Variants in EIF4E observed in about 807,000 individuals in gnomAD.
The protein encoded by EIF4E is eukaryotic translation initiation factor 4E.
For missense variants in EIF4E, 113 were observed against 265.6 expected (o/e 0.43, Z 3.99); for synonymous variants, 71 against 88.5 (o/e 0.80, Z 1.11).
intron 2 of EIF4E, among the ~76,000 whole-genome samples, chr4:98,897,236 A>G (rs2110193431): frequency 6.6e-6 from 1 of 150,404 alleles, no homozygotes; most frequent in South Asian, 2.1e-4. Flanking sequence ...TACATTTATT[A>G]CTACCAACTC....
intron 1 of EIF4E, among the ~76,000 whole-genome samples, chr4:98,912,430 G>A (rs1293908731): frequency 2.6e-5 from 4 of 151,840 alleles, no homozygotes; most frequent in Non-Finnish European, 5.9e-5. Context: ...ACAAAAATTA[G>A]CTGGGCGTGG....
intron 1 of EIF4E, among the ~76,000 whole-genome samples, chr4:98,904,354 A>G (rs1346853643): frequency 1.3e-5 from 2 of 152,238 alleles, no homozygotes; most frequent in African/African-American, 4.8e-5. Flanking sequence ...TTGGACATAC[A>G]GGAATTAAAA....
chr4:98,890,578 C>T (rs865832865), intron 3 of EIF4E, among the ~76,000 whole-genome samples: 1 of 152,156 alleles, frequency 6.6e-6, no homozygotes, highest in Non-Finnish European at 1.5e-5. Flanking sequence ...GATCTTCCTG[C>T]CTCAGCATCC....
chr4:98,885,170 A>T (rs1049204084), intron 5 of EIF4E, 109 bp from the exon 6 acceptor site: 1 of 1,332,788 alleles, frequency 7.5e-7, no homozygotes, highest in African/African-American at 1.5e-5. Context: ...TTAAATCAAG[A>T]GTTAATTTTT....
At chr4:98,928,443 A>T (rs1721316004) in intron 1 of EIF4E, among the ~76,000 whole-genome samples, 2 of 151,790 alleles carry the variant, frequency 1.3e-5, no homozygotes, top group Non-Finnish European at 2.9e-5. Context: ...TGGCGCAAAC[A>T]CCGGCAACTC....
At chr4:98,910,323 T>G (rs1435801165) in intron 1 of EIF4E, among the ~76,000 whole-genome samples, 1 of 152,176 alleles carries the variant, frequency 6.6e-6, no homozygotes, top group African/African-American at 2.4e-5. Flanking sequence ...AAAAATTTTT[T>G]CATGTAAAAG....
At chr4:98,915,867 A>G (rs1031793267) in intron 1 of EIF4E, among the ~76,000 whole-genome samples, 2 of 151,256 alleles carry the variant, frequency 1.3e-5, no homozygotes, top group Non-Finnish European at 2.9e-5. Flanking sequence ...ACTTTTCTTC[A>G]TGGTACAGTA....
intron 5 of EIF4E, 38 bp from the exon 6 acceptor site, chr4:98,885,099 A>G (rs765013808): frequency 6.3e-7 from 1 of 1,594,050 alleles, no homozygotes; most frequent in South Asian, 1.1e-5. Flanking sequence ...AATAGATTAT[A>G]AACAAGCTCA....
At chr4:98,886,951 C>G in intron 5 of EIF4E, 128 bp downstream of exon 5, 1 of 926,926 alleles carries the variant, frequency 1.1e-6, no homozygotes, top group Non-Finnish European at 1.7e-6. Context: ...AAAATAATTA[C>G]TGACCCTGAT....
chr4:98,886,524 G>A (rs1312377559), intron 5 of EIF4E: 3 of 432,144 alleles, frequency 6.9e-6, no homozygotes, highest in Middle Eastern at 7.6e-4. Context: ...GACCAACCTG[G>A]GCAACATAGC....
At chr4:98,884,870 G>A in intron 6 of EIF4E, 52 bp downstream of exon 6, 4 of 1,601,566 alleles carry the variant, frequency 2.5e-6, no homozygotes, top group Non-Finnish European at 3.4e-6. Flanking sequence ...AATAACTTCT[G>A]GTTTTACTCA....
Position 98,886,944 on chromosome 4 carries a change from A to C in EIF4E, c.399+135T>G, listed in dbSNP as rs1019917889. On this transcript the variant is annotated intron_variant, in intron 5 of 6. Coordinates refer to ENST00000450253, the MANE Select transcript of EIF4E (RefSeq NM_001968.5). ...ACAGGAGTCATATGACAGAACAAAA[A>C]TAATTACTGACCCTGATTTTCTAGT... 1.7e-5 allele frequency: 15 copies of C among 878,636 alleles called. No homozygotes were observed. In the African/African-American group the frequency reaches 2.5e-4, roughly 15 times the overall value. 54.4% of individuals were successfully genotyped at this position (878,636 alleles called of 1,614,324 possible).
chr4:98,918,751 T>TA (rs200694327), intron 1 of EIF4E, among the ~76,000 whole-genome samples: 1,750 of 152,336 alleles, frequency 0.011, 12 homozygotes, highest in Non-Finnish European at 0.02. Flanking sequence ...TATGTGTTGA[T>TA]ATGTAATGCT....
chr4:98,890,992 T>C, intron 3 of EIF4E: 1 of 547,348 alleles, frequency 1.8e-6, no homozygotes, highest in Non-Finnish European at 3.3e-6. Flanking sequence ...AGGGCAATAA[T>C]GGATTCTTGA....
intron 2 of EIF4E, among the ~76,000 whole-genome samples, chr4:98,896,420 G>A (rs938108565): frequency 2.3e-5 from 3 of 132,470 alleles, no homozygotes; most frequent in Non-Finnish European, 4.6e-5. Context: ...AGGGGAAGGG[G>A]AAAGGACTGC....
intron 1 of EIF4E, chr4:98,903,360 G>GTTTT (rs377361249): frequency 4.2e-5 from 16 of 384,912 alleles, no homozygotes; most frequent in Non-Finnish European, 5.9e-5. Flanking sequence ...AAGAATATGG[G>GTTTT]TTTTTTTTTT....
At chr4:98,911,661 CAAAAAAAA>C (rs767631331) in intron 1 of EIF4E, among the ~76,000 whole-genome samples, 2 of 60,046 alleles carry the variant, frequency 3.3e-5, no homozygotes, top group East Asian at 5.6e-4. Flanking sequence ...AACTCTGTCT[CAAAAAAAA>C]AAAAAAAAAA....
chr4:98,902,376 G>A lies in EIF4E; in HGVS notation c.19-394C>T, dbSNP rs113763860. Among the ~76,000 whole-genome samples the A allele has an allele frequency of 2.5e-3, 377 of 152,180 alleles. 2 individuals are homozygous for A. Among genetic ancestry groups the A allele is most frequent in the African/African-American group, 7.5e-3 (311 of 41,534 alleles). Reference sequence around the variant, plus strand: ...TGAGCCACCACACCCGGCACTAGTAGTATTTTTTAAGAAGAAGGAATTAAA... The same window carrying A: ...TGAGCCACCACACCCGGCACTAGTAATATTTTTTAAGAAGAAGGAATTAAA... On this transcript the variant is annotated intron_variant, in intron 1 of 6. Transcript: ENST00000450253.
intron 5 of EIF4E, chr4:98,886,385 T>A: frequency 2.5e-6 from 1 of 398,546 alleles, no homozygotes; most frequent in South Asian, 1.9e-5. Flanking sequence ...CAAATGGTAG[T>A]ACACAACAAT....
Sources: allele counts gnomAD v4.1 joint callset (sites outside exome capture counted in the v4.1 genomes callset), GRCh38; gene constraint gnomAD v4.1.1; transcripts MANE v1.5; gene names NCBI Gene and HGNC (gene_info 2026-07-23, HGNC 2026-07-21).